CAPZA2: variants seen among roughly 807,000 people sequenced by gnomAD.
CAPZA2 encodes the protein F-actin-capping protein subunit alpha-2.
CAPZA2 carries 13 observed loss-of-function variants against 44.0 expected under a neutral mutation model. That is an observed-to-expected ratio of 0.30 (90% confidence interval 0.19 to 0.47). The LOEUF (loss-of-function observed/expected upper bound fraction) is 0.47, where lower values mean the gene tolerates loss of function less well. Ranked by LOEUF, CAPZA2 falls within the 20% of genes least tolerant of loss-of-function variation. The pLI is 1.00. For missense variants in CAPZA2, 244 were observed against 338.6 expected, an observed-to-expected ratio of 0.72 and a Z score of 2.19; for synonymous variants, 94 against 108.2, an observed-to-expected ratio of 0.87 and a Z score of 0.81.
chr7:116,881,990 A>AT (rs1248389046), intron 1 of CAPZA2, among the ~76,000 whole-genome samples: 1 of 152,044 alleles, frequency 6.6e-6, no homozygotes, highest in African/African-American at 2.4e-5. Flanking sequence ...CAGCCTATGA[A>AT]TTTTTGGCAG....
intron 1 of CAPZA2, among the ~76,000 whole-genome samples, chr7:116,867,266 A>G (rs1362942148): frequency 6.6e-6 from 1 of 152,228 alleles, no homozygotes; most frequent in African/African-American, 2.4e-5. Flanking sequence ...TAAAGTCAAG[A>G]AAAATGTCTC....
At chr7:116,915,822 T>C in intron 8 of CAPZA2, 1 of 276,466 alleles carries the variant, frequency 3.6e-6, no homozygotes, top group Non-Finnish European at 6.8e-6. Flanking sequence ...TGTGTATCAT[T>C]GAGATTTCAC....
chr7:116,867,467 C>G (rs965746637), intron 1 of CAPZA2, among the ~76,000 whole-genome samples: 41 of 152,230 alleles, frequency 2.7e-4, no homozygotes, highest in African/African-American at 9.9e-4. Context: ...GTATTCATGG[C>G]CTTGTATTCC....
At chr7:116,884,127 A>G (rs992817000) in intron 1 of CAPZA2, among the ~76,000 whole-genome samples, 3 of 152,216 alleles carry the variant, frequency 2.0e-5, no homozygotes, top group Admixed American at 2.0e-4. Context: ...TTTGGCATGC[A>G]CAATGGCCTA....
rs115585471 is a variant in CAPZA2, at chr7:116,886,479, A to G, written c.40-1648A>G. Among the ~76,000 whole-genome samples the G allele has an allele frequency of 5.4e-3, 823 of 152,316 alleles. 8 individuals are homozygous for G. Among genetic ancestry groups the G allele is most frequent in the African/African-American group, 0.019 (796 of 41,580 alleles). The stretch of plus-strand genomic sequence containing the variant: ...TGCTTAGATACATGTACATGCACAC[A>G]TAACACATACACAAACACACACAGC... On this transcript the variant is annotated intron_variant, in intron 1 of 9. Coordinates refer to ENST00000361183, the MANE Select transcript of CAPZA2 (RefSeq NM_006136.3).
chr7:116,882,088 A>C (rs1388391772), intron 1 of CAPZA2, among the ~76,000 whole-genome samples: 1 of 152,122 alleles, frequency 6.6e-6, no homozygotes, highest in East Asian at 1.9e-4. Context: ...ACTGTTGATA[A>C]CTTTGATCAT....
chr7:116,913,525 T>C (rs1000567691), intron 8 of CAPZA2, among the ~76,000 whole-genome samples: 1 of 152,192 alleles, frequency 6.6e-6, no homozygotes, highest in African/African-American at 2.4e-5. Flanking sequence ...TAAGAATTTT[T>C]GAACTTGGTT....
At chr7:116,913,274 G>C (rs1277631979) in intron 8 of CAPZA2, among the ~76,000 whole-genome samples, 1 of 151,892 alleles carries the variant, frequency 6.6e-6, no homozygotes, top group East Asian at 1.9e-4. Context: ...GAAGATTTTG[G>C]TTTTGATTTT....
chr7:116,890,794 A>AAG (rs1374095985), intron 2 of CAPZA2, among the ~76,000 whole-genome samples: 1 of 146,956 alleles, frequency 6.8e-6, no homozygotes, highest in African/African-American at 2.5e-5. Context: ...AAAAAAAAAA[A>AAG]AAAAAGAGTT....
intron 1 of CAPZA2, among the ~76,000 whole-genome samples, chr7:116,872,849 A>G (rs1238357255): frequency 6.6e-6 from 1 of 152,232 alleles, no homozygotes; most frequent in Non-Finnish European, 1.5e-5. Context: ...CAAGAAGACT[A>G]GACACTTCAA....
chr7:116,892,010 A>G (rs1196226847), intron 2 of CAPZA2, among the ~76,000 whole-genome samples: 1 of 152,230 alleles, frequency 6.6e-6, no homozygotes, highest in Non-Finnish European at 1.5e-5. Context: ...AATTACTTCA[A>G]ACATCTCTCA....
At chr7:116,865,177 C>CTTTTTTTTTTT (rs1011886318) in intron 1 of CAPZA2, among the ~76,000 whole-genome samples, 4 of 87,988 alleles carry the variant, frequency 4.5e-5, no homozygotes, top group East Asian at 4.0e-4. Flanking sequence ...GCGCTCTCTT[C>CTTTTTTTTTTT]TTTTTTTTTT....
At chr7:116,891,165 C>T (rs1796841989) in intron 2 of CAPZA2, among the ~76,000 whole-genome samples, 2 of 152,110 alleles carry the variant, frequency 1.3e-5, no homozygotes, top group African/African-American at 4.8e-5. Context: ...ATATTTTATT[C>T]AAATTATCCT....
intron 1 of CAPZA2, among the ~76,000 whole-genome samples, chr7:116,885,784 T>C (rs1562959081): frequency 6.6e-6 from 1 of 152,170 alleles, no homozygotes; most frequent in African/African-American, 2.4e-5. Context: ...CCAGGCACAC[T>C]ACCCTTCAGG....
rs1791743058 is a variant in CAPZA2 at position 116,919,909 on chromosome 7, T to C, written c.*2042T>C. The C allele has an allele frequency of 6.7e-6, 1 of 150,014 alleles. No homozygotes were observed. The highest frequency in any genetic ancestry group is 6.7e-5 in the Admixed American group (1 of 14,916). The allele number at this position is 150,014 out of a possible 1,614,324, so 9.3% of individuals were successfully genotyped here. A position where few individuals can be genotyped will look rare whatever the true frequency, so the allele number is the denominator to read the frequency against. On this transcript the variant is annotated 3_prime_UTR_variant, in exon 10 of 10. Coordinates refer to ENST00000361183, the MANE Select transcript of CAPZA2 (RefSeq NM_006136.3). Reference sequence around the variant, plus strand: ...AATAATAATATAATTTAGAACAGTCTGAAATAATGATGGCACAGAATAGTC... The same window carrying C: ...AATAATAATATAATTTAGAACAGTCCGAAATAATGATGGCACAGAATAGTC...
At position 116,906,378 on chromosome 7, in the gene CAPZA2, A is replaced by C. The variant is rs761498094; in HGVS notation, c.506+36A>C. On this transcript the variant is annotated intron_variant, in intron 6 of 9. Coordinates refer to ENST00000361183, the MANE Select transcript of CAPZA2 (RefSeq NM_006136.3). ...ATTTTGGATATTGGGGAGTTTTGGCATTGTTTTAAGTCTTTGTAGTTCTTG... is the reference window on the plus strand; with the variant it reads ...ATTTTGGATATTGGGGAGTTTTGGCCTTGTTTTAAGTCTTTGTAGTTCTTG... The C allele has an allele frequency of 3.7e-6, 6 of 1,607,164 alleles. No homozygotes were observed. In the Admixed American group the frequency reaches 1.0e-4, roughly 28 times the overall value.
chr7:116,862,675 C>T (rs1375440087), intron 1 of CAPZA2, 25 bp downstream of exon 1: 2 of 1,533,770 alleles, frequency 1.3e-6, no homozygotes, highest in Non-Finnish European at 1.8e-6. Flanking sequence ...GGCGACGGCG[C>T]GGGCTGTCAG....
At chr7:116,915,958 CTG>C (rs1171774110) in intron 8 of CAPZA2, 100 bp from the exon 9 acceptor site, 30 of 774,450 alleles carry the variant, frequency 3.9e-5, no homozygotes, top group Middle Eastern at 4.2e-4. Flanking sequence ...TAATTTCCTT[CTG>C]TGTTATTTAT....
intron 5 of CAPZA2, among the ~76,000 whole-genome samples, chr7:116,905,012 C>CGTGCCTGT (rs1452511079): frequency 7.0e-6 from 1 of 143,212 alleles, no homozygotes; most frequent in Non-Finnish European, 1.5e-5. Context: ...CGTGGTAGCA[C>CGTGCCTGT]GTGCCTGTAG....
Sources: allele counts gnomAD v4.1 joint callset (sites outside exome capture counted in the v4.1 genomes callset), GRCh38; gene constraint gnomAD v4.1.1; transcripts MANE v1.5; gene names NCBI Gene and HGNC (gene_info 2026-07-23, HGNC 2026-07-21).